The following SYNJ1 variants were observed in gnomAD, a reference collection of about 807,000 sequenced individuals.
SYNJ1 encodes the protein synaptojanin 1.
SYNJ1 carries 78 observed loss-of-function variants against 168.2 expected under a neutral mutation model. The ratio of observed to expected loss-of-function variants is 0.46; its 90% CI spans 0.39 to 0.56. The LOEUF (loss-of-function observed/expected upper bound fraction) is 0.56. Ranked by LOEUF, SYNJ1 falls within the 20% of genes least tolerant of loss-of-function variation. The pLI is 0.00. For synonymous variants in SYNJ1, 539 were observed against 548.6 expected (o/e 0.98, Z 0.24); for missense variants, 1,303 against 1,597.6 (o/e 0.82, Z 3.14).
chr21:32,645,793 A>G lies in SYNJ1; in HGVS notation c.3248-4T>C, dbSNP rs1455821754. On this transcript the variant is annotated splice_polypyrimidine_tract_variant and splice_region_variant and intron_variant, in intron 24 of 32. Coordinates refer to ENST00000674351, the MANE Select transcript of SYNJ1 (RefSeq NM_203446.3). ...GGCTGCGCGTCAATAGGAGAACCTA[A>G]AAAGCGCACAGGAGGTAAGAAGATC... 3 of 1,483,062 alleles carry G rather than the reference A, an allele frequency of 2.0e-6. No homozygotes were observed. In the East Asian group the frequency reaches 7.4e-5, roughly 37 times the overall value. 91.9% of individuals were successfully genotyped at this position (1,483,062 alleles called of 1,614,324 possible). A position where few individuals can be genotyped will look rare whatever the true frequency, so the allele number is the denominator to read the frequency against.
intron 2 of SYNJ1, among the ~76,000 whole-genome samples, chr21:32,709,379 C>T (rs1349220679): frequency 1.4e-5 from 2 of 145,630 alleles, no homozygotes; most frequent in African/African-American, 2.5e-5. Flanking sequence ...CAGGAGGCTA[C>T]GGCAGGAGAA....
At chr21:32,709,972 G>A (rs976805900) in intron 2 of SYNJ1, among the ~76,000 whole-genome samples, 7 of 152,000 alleles carry the variant, frequency 4.6e-5, no homozygotes, top group African/African-American at 1.4e-4. Flanking sequence ...GCCAAGGTGG[G>A]AGGATCACTT....
At chr21:32,634,934 G>T in intron 31 of SYNJ1, 50 bp from the exon 32 acceptor site, 1 of 1,601,414 alleles carries the variant, frequency 6.2e-7, no homozygotes, top group South Asian at 1.1e-5. Context: ...AGGACAATCC[G>T]AGATCAACCA....
Position 32,684,129 on chromosome 21 carries a change from A to G in SYNJ1, c.1119-10T>C. 6.2e-7 allele frequency: 1 copy of G among 1,611,778 alleles called. No individual in the cohort carries two copies. The highest frequency in any genetic ancestry group is 8.5e-7 in the Non-Finnish European group (1 of 1,178,190). On this transcript the variant is annotated splice_polypyrimidine_tract_variant and intron_variant, in intron 9 of 32. Transcript: ENST00000674351. The stretch of plus-strand genomic sequence containing the variant: ...TGTACCACTCTGGCATCTGTAACCA[A>G]TAAAGTTAAATATCCAGTTTGGAAC...
chr21:32,696,540 A>G (rs2042219623), intron 4 of SYNJ1, among the ~76,000 whole-genome samples: 1 of 152,182 alleles, frequency 6.6e-6, no homozygotes, highest in Non-Finnish European at 1.5e-5. Context: ...AGGAAAATAC[A>G]TTGTTAAGTG....
At chr21:32,650,076 TG>T (rs2145808233) in intron 23 of SYNJ1, 107 bp downstream of exon 23, 1 of 1,340,186 alleles carries the variant, frequency 7.5e-7, no homozygotes, top group East Asian at 2.4e-5. Flanking sequence ...AATAGTGCTA[TG>T]TACGTCCCAA....
At chr21:32,720,876 G>C (rs960142859) in intron 2 of SYNJ1, among the ~76,000 whole-genome samples, 3 of 152,168 alleles carry the variant, frequency 2.0e-5, no homozygotes, top group Admixed American at 6.5e-5. Flanking sequence ...ATATAATTAT[G>C]AAATGAATCA....
intron 2 of SYNJ1, among the ~76,000 whole-genome samples, chr21:32,710,606 C>A (rs1009467435): frequency 7.9e-5 from 12 of 151,900 alleles, no homozygotes; most frequent in Non-Finnish European, 1.6e-4. Flanking sequence ...CTCACTGTAA[C>A]CTGAAACCCC....
At chr21:32,700,881 T>C (rs1230806628) in intron 3 of SYNJ1, among the ~76,000 whole-genome samples, 4 of 152,146 alleles carry the variant, frequency 2.6e-5, no homozygotes, top group Non-Finnish European at 5.9e-5. Flanking sequence ...TGGTAACAAC[T>C]TATAAAGCAA....
chr21:32,686,556 AG>A (rs1295578978), intron 8 of SYNJ1, among the ~76,000 whole-genome samples: 2 of 152,182 alleles, frequency 1.3e-5, no homozygotes, highest in Non-Finnish European at 2.9e-5. Context: ...CAGTACAAGA[AG>A]GTATAGCGTT....
At chr21:32,709,040 A>T (rs1428668109) in intron 2 of SYNJ1, among the ~76,000 whole-genome samples, 1 of 152,252 alleles carries the variant, frequency 6.6e-6, no homozygotes. Flanking sequence ...AGATTTTAAC[A>T]ATTAACAAGA....
Position 32,638,888 on chromosome 21 carries a change from G to C in SYNJ1, c.3915+20C>G. ...TCATATGCATCAAAGATAATATTTT[G>C]TGTAACAAATGAGACTTACTTGCGG... is the stretch of plus-strand genomic sequence containing the variant. On this transcript the variant is annotated intron_variant, in intron 31 of 32. Coordinates refer to ENST00000674351, the MANE Select transcript of SYNJ1 (RefSeq NM_203446.3). 6.4e-7 allele frequency: 1 copy of C among 1,572,170 alleles called. No homozygotes were observed. Among genetic ancestry groups the C allele is most frequent in the South Asian group, 1.2e-5 (1 of 86,894 alleles).
At chr21:32,646,165 A>C (rs1404900896) in intron 24 of SYNJ1, among the ~76,000 whole-genome samples, 1 of 152,256 alleles carries the variant, frequency 6.6e-6, no homozygotes, top group Non-Finnish European at 1.5e-5. Context: ...TATAAGACAT[A>C]GACAAACCTA....
intron 18 of SYNJ1, among the ~76,000 whole-genome samples, chr21:32,659,604 T>G (rs1312078527): frequency 6.6e-6 from 1 of 152,168 alleles, no homozygotes; most frequent in Non-Finnish European, 1.5e-5. Flanking sequence ...TGATTACTGG[T>G]GCATGCAGCC....
At chr21:32,723,416 CT>C (rs2146401618) in intron 2 of SYNJ1, among the ~76,000 whole-genome samples, 1 of 152,290 alleles carries the variant, frequency 6.6e-6, no homozygotes, top group African/African-American at 2.4e-5. Flanking sequence ...AAATTAGGAA[CT>C]TTGTGTACAT....
intron 18 of SYNJ1, among the ~76,000 whole-genome samples, chr21:32,662,429 A>G (rs2040749896): frequency 6.6e-6 from 1 of 152,142 alleles, no homozygotes; most frequent in Non-Finnish European, 1.5e-5. Context: ...TGTTTATATA[A>G]TGACACTCAG....
At chr21:32,672,059 C>CAAAA (rs1160074724) in intron 14 of SYNJ1, among the ~76,000 whole-genome samples, 5 of 24,672 alleles carry the variant, frequency 2.0e-4, no homozygotes, top group African/African-American at 5.3e-4. Flanking sequence ...AACTCAATCT[C>CAAAA]AAAAAAAAAA....
intron 15 of SYNJ1, among the ~76,000 whole-genome samples, chr21:32,669,042 A>G (rs553775420): frequency 3.0e-4 from 45 of 152,224 alleles, no homozygotes; most frequent in Non-Finnish European, 6.3e-4. Flanking sequence ...AGCAACAGAC[A>G]TTATTGATTT....
rs1271263881 is a variant in SYNJ1 at position 32,629,012 on chromosome 21, A to G, written c.*2793T>C. The stretch of plus-strand genomic sequence containing the variant: ...AGAACTAGTAAATATTTAATAATAC[A>G]TAGAATAATGGCTAGTTATTTGCAG... On this transcript the variant is annotated 3_prime_UTR_variant, in exon 33 of 33. Transcript: ENST00000674351. 1 of 152,796 alleles carries G rather than the reference A, an allele frequency of 6.5e-6. No individual in the cohort carries two copies. Among genetic ancestry groups the G allele is most frequent in the East Asian group, 1.9e-4 (1 of 5,184 alleles). 9.5% of individuals were successfully genotyped at this position (152,796 alleles called of 1,614,324 possible).
Sources: allele counts gnomAD v4.1 joint callset (sites outside exome capture counted in the v4.1 genomes callset), GRCh38; gene constraint gnomAD v4.1.1; transcripts MANE v1.5; gene names NCBI Gene and HGNC (gene_info 2026-07-23, HGNC 2026-07-21).